Variants in KCNN2 observed in about 807,000 individuals in gnomAD.
KCNN2 encodes the protein small conductance calcium-activated potassium channel protein 2.
KCNN2 carries 24 observed loss-of-function variants against 55.5 expected under a neutral mutation model. That is an observed-to-expected ratio of 0.43 (90% CI 0.31 to 0.61). KCNN2 has a LOEUF of 0.61. Among genes scored for constraint, KCNN2 ranks in the 20% least tolerant of loss-of-function variants. KCNN2 has a pLI of 0.08. For synonymous variants in KCNN2, 431 were observed against 336.1 expected (o/e 1.28, Z -3.09); for missense variants, 754 against 853.6 (o/e 0.88, Z 1.45).
At chr5:114,226,565 TTGC>T (rs1300671980) in intron 2 of KCNN2, among the ~76,000 whole-genome samples, 1 of 152,146 alleles carries the variant, frequency 6.6e-6, no homozygotes, top group East Asian at 1.9e-4. Context: ...AATTTTATTG[TTGC>T]CACTATTGTT....
At chr5:114,122,911 G>C (rs1279544824) in intron 1 of KCNN2, among the ~76,000 whole-genome samples, 1 of 152,078 alleles carries the variant, frequency 6.6e-6, no homozygotes, top group Non-Finnish European at 1.5e-5. Context: ...AGAAGAACAC[G>C]CTATATTTTA....
At chr5:114,217,403 A>G (rs566371027) in intron 1 of KCNN2, among the ~76,000 whole-genome samples, 56 of 152,268 alleles carry the variant, frequency 3.7e-4, no homozygotes, top group Admixed American at 1.0e-3. Flanking sequence ...AGACAAATAC[A>G]TCAATGGAAC....
chr5:114,490,597 A>C, intron 6 of KCNN2: 1 of 397,382 alleles, frequency 2.5e-6, no homozygotes, highest in East Asian at 3.6e-5. Flanking sequence ...CCCCTTGTGC[A>C]CAACTGAACA....
rs190268497 is a variant in KCNN2 at position 114,235,885 on chromosome 5, G to A, written c.-185+14320G>A. ...TGATGAGGAAACTGAGTATGAAAAC[G>A]GCTGGATGATTTGCTGAAGATTACT... is the stretch of plus-strand genomic sequence containing the variant. On this transcript the variant is annotated intron_variant, in intron 2 of 10. Coordinates refer to the KCNN2 transcript ENST00000512097. Among the ~76,000 whole-genome samples, 25 of 152,252 alleles carry A rather than the reference G, an allele frequency of 1.6e-4. No individual in the cohort carries two copies. The East Asian group carries it at 3.7e-3, about 22-fold the overall frequency.
chr5:114,474,629 A>C (rs543292937), intron 5 of KCNN2, among the ~76,000 whole-genome samples: 1 of 152,168 alleles, frequency 6.6e-6, no homozygotes, highest in African/African-American at 2.4e-5. Flanking sequence ...CTAATCCATA[A>C]ATTGGAGCAG....
chr5:114,344,016 C>T (rs764890875), intron 2 of KCNN2, among the ~76,000 whole-genome samples: 9 of 152,186 alleles, frequency 5.9e-5, no homozygotes, highest in Non-Finnish European at 1.2e-4. Context: ...TTTAAACATG[C>T]ACTGGAACTG....
At chr5:114,488,035 CAG>C (rs1488609455) in intron 6 of KCNN2, among the ~76,000 whole-genome samples, 7 of 152,186 alleles carry the variant, frequency 4.6e-5, no homozygotes, top group Non-Finnish European at 8.8e-5. Context: ...CAAGAAAACT[CAG>C]AGGCTGCAAT....
At chr5:114,241,149 A>G (rs972040768) in intron 2 of KCNN2, among the ~76,000 whole-genome samples, 1 of 151,876 alleles carries the variant, frequency 6.6e-6, no homozygotes, top group African/African-American at 2.4e-5. Context: ...AAATATAACA[A>G]ACATATTTAA....
At position 114,457,886 on chromosome 5, in the gene KCNN2, G is replaced by T. The variant is rs568192699; in HGVS notation, c.1638-5163G>T. ...CTCTCAAGAATCACTGTCCTTTGTT[G>T]CTAGATAACCAATGTCTTGATAACC... On this transcript the variant is annotated intron_variant, in intron 3 of 7. Coordinates refer to ENST00000673685, the MANE Select transcript of KCNN2 (RefSeq NM_021614.4). Among the ~76,000 whole-genome samples, 6 of 152,262 alleles carry T rather than the reference G, an allele frequency of 3.9e-5. No individual in the cohort carries two copies. In the East Asian group the frequency reaches 1.2e-3, roughly 29 times the overall value.
intron 1 of KCNN2, among the ~76,000 whole-genome samples, chr5:114,217,091 T>C (rs1754021536): frequency 6.6e-6 from 1 of 152,078 alleles, no homozygotes; most frequent in Admixed American, 6.6e-5. Context: ...CTACAAAACT[T>C]TGATGAAAGA....
intron 2 of KCNN2, among the ~76,000 whole-genome samples, chr5:114,371,670 G>A (rs1020768146): frequency 6.6e-6 from 1 of 152,118 alleles, no homozygotes; most frequent in African/African-American, 2.4e-5. Context: ...CAGGATCACA[G>A]AACAAACATT....
At chr5:114,454,365 G>C (rs1045536601) in intron 3 of KCNN2, among the ~76,000 whole-genome samples, 1 of 151,786 alleles carries the variant, frequency 6.6e-6, no homozygotes, top group African/African-American at 2.4e-5. Flanking sequence ...CCATTCTCTC[G>C]TATTAAGAGT....
chr5:114,493,571 C>A, intron 7 of KCNN2, 99 bp downstream of exon 7: 1 of 809,630 alleles, frequency 1.2e-6, no homozygotes, highest in Non-Finnish European at 2.1e-6. Flanking sequence ...CAACCCAAAT[C>A]TAATTAATAA....
At chr5:114,281,625 C>CTCTGTG (rs1432093902) in intron 2 of KCNN2, among the ~76,000 whole-genome samples, 6 of 145,394 alleles carry the variant, frequency 4.1e-5, no homozygotes, top group African/African-American at 1.0e-4. Context: ...CCCTCCATCT[C>CTCTGTG]TGTGTGTGTG....
chr5:114,362,384 C>CA lies in KCNN2; in HGVS notation c.245_246insA (p.Asp84ArgfsTer2). On this transcript the variant is annotated frameshift_variant, in exon 1 of 8. Coordinates refer to ENST00000673685, the MANE Select transcript of KCNN2 (RefSeq NM_021614.4). LOFTEE classifies it high-confidence loss of function. ...TCCTCCGGTGCCCCGGCGGCGGGGG[C>CA]GGGAGATAACCTGTCCCTGCTGCTC... 4.4e-6 allele frequency: 1 copy of CA among 227,966 alleles called. No individual in the cohort carries two copies. The highest frequency in any genetic ancestry group is 8.5e-6 in the Non-Finnish European group (1 of 118,284). 14.1% of individuals were successfully genotyped at this position (227,966 alleles called of 1,614,324 possible). A position where few individuals can be genotyped will look rare whatever the true frequency, so the allele number is the denominator to read the frequency against.
At chr5:114,154,292 C>T (rs1458666463) in intron 1 of KCNN2, among the ~76,000 whole-genome samples, 1 of 152,050 alleles carries the variant, frequency 6.6e-6, no homozygotes, top group Non-Finnish European at 1.5e-5. Context: ...AACATGAGCC[C>T]ATAAAGGAGC....
intron 2 of KCNN2, among the ~76,000 whole-genome samples, chr5:114,296,221 G>T (rs890087913): frequency 6.6e-6 from 1 of 152,148 alleles, no homozygotes; most frequent in South Asian, 2.1e-4. Flanking sequence ...GGGAGAATGA[G>T]TAACCTCTTA....
chr5:114,166,819 G>T (rs529275275), intron 1 of KCNN2, among the ~76,000 whole-genome samples: 46 of 152,188 alleles, frequency 3.0e-4, no homozygotes, highest in African/African-American at 1.1e-3. Context: ...GATCATGAAG[G>T]TGGAACCCTG....
At chr5:114,092,633 C>T (rs1751168612) in intron 1 of KCNN2, among the ~76,000 whole-genome samples, 1 of 152,222 alleles carries the variant, frequency 6.6e-6, no homozygotes, top group African/African-American at 2.4e-5. Context: ...CACACTTCTG[C>T]CTGGACATCA....
Sources: gnomAD v4.1 joint callset for allele counts (sites outside exome capture counted in the v4.1 genomes callset) on GRCh38, gnomAD v4.1.1 for gene constraint, MANE v1.5 for transcripts, NCBI Gene and HGNC (gene_info 2026-07-23, HGNC 2026-07-21) for gene names.